TEX36: variants seen among roughly 807,000 people sequenced by gnomAD.
The protein encoded by TEX36 is testis expressed 36, also known as testis-expressed protein 36.
A neutral mutation model predicts 13.6 loss-of-function variants in TEX36; 12 were observed. The ratio of observed to expected loss-of-function variants is 0.88; its 90% CI spans 0.56 to 1.43. TEX36 has a LOEUF of 1.43. TEX36 is among the 40% of genes most tolerant of loss of function. The pLI, the probability that TEX36 is intolerant of heterozygous loss-of-function variation, is 0.00. For synonymous variants in TEX36, 93 were observed against 83.0 expected, an observed-to-expected ratio of 1.12 and a Z score of -0.65; for missense variants, 224 against 228.3, an observed-to-expected ratio of 0.98 and a Z score of 0.12.
At chr10:125,680,993 C>G (rs1464222462) in intron 1 of TEX36, among the ~76,000 whole-genome samples, 1 of 152,214 alleles carries the variant, frequency 6.6e-6, no homozygotes, top group Non-Finnish European at 1.5e-5. Context: ...CTCAGACACC[C>G]TTTTAGCTAA....
At chr10:125,664,656 G>T (rs1003978946) in intron 1 of TEX36, among the ~76,000 whole-genome samples, 1 of 152,118 alleles carries the variant, frequency 6.6e-6, no homozygotes, top group African/African-American at 2.4e-5. Context: ...TGTAAGATAT[G>T]CCTTGCTTCC....
chr10:125,667,150 C>T, intron 1 of TEX36: 1 of 689,418 alleles, frequency 1.5e-6, no homozygotes. Flanking sequence ...GAATGTGATC[C>T]CAGGGACAGC....
downstream of TEX36, among the ~76,000 whole-genome samples, chr10:125,618,815 G>A (rs551736733): frequency 6.6e-6 from 1 of 151,844 alleles, no homozygotes; most frequent in Non-Finnish European, 1.5e-5. Flanking sequence ...GTGTTAAAGA[G>A]ATAAGCCTTG....
intron 3 of TEX36, among the ~76,000 whole-genome samples, chr10:125,635,784 G>A (rs764736151): frequency 6.6e-6 from 1 of 152,044 alleles, no homozygotes; most frequent in African/African-American, 2.4e-5. Flanking sequence ...GGGATGGTGG[G>A]TTCCACCTCC....
intron 3 of TEX36, among the ~76,000 whole-genome samples, chr10:125,596,656 T>C (rs1484715979): frequency 1.3e-5 from 2 of 152,210 alleles, no homozygotes; most frequent in African/African-American, 4.8e-5. Context: ...ACAGCCGCAA[T>C]TGGAAATTAA....
At chr10:125,635,043 C>T (rs1011578007) in intron 3 of TEX36, among the ~76,000 whole-genome samples, 4 of 152,166 alleles carry the variant, frequency 2.6e-5, no homozygotes, top group Non-Finnish European at 4.4e-5. Flanking sequence ...GGGATTAAGG[C>T]CACACCAGAC....
At chr10:125,622,186 A>T (rs1565176609) in intron 3 of TEX36, among the ~76,000 whole-genome samples, 2 of 152,356 alleles carry the variant, frequency 1.3e-5, no homozygotes, top group East Asian at 3.9e-4. Flanking sequence ...ATAAGGTCGT[A>T]ATTATGCCTA....
chr10:125,592,321 G>C (rs1039945066), intron 3 of TEX36, among the ~76,000 whole-genome samples: 1 of 152,134 alleles, frequency 6.6e-6, no homozygotes, highest in Non-Finnish European at 1.5e-5. Flanking sequence ...ACCAGCCACA[G>C]TCTGTCTTTG....
intron 3 of TEX36, among the ~76,000 whole-genome samples, chr10:125,623,722 G>A (rs955504255): frequency 7.2e-5 from 11 of 152,164 alleles, no homozygotes; most frequent in African/African-American, 2.2e-4. Flanking sequence ...CACTTTATTC[G>A]AAGGCATTCT....
intron 3 of TEX36, among the ~76,000 whole-genome samples, chr10:125,601,152 T>C (rs573284802): frequency 6.6e-6 from 1 of 152,360 alleles, no homozygotes; most frequent in South Asian, 2.1e-4. Flanking sequence ...ATCCTAATAT[T>C]TTTGGTTTAA....
downstream of TEX36, among the ~76,000 whole-genome samples, chr10:125,652,821 G>A (rs1274866363): frequency 6.6e-6 from 1 of 152,150 alleles, no homozygotes; most frequent in African/African-American, 2.4e-5. Context: ...TCAAAAAGTA[G>A]GCAAAGGATG....
intron 3 of TEX36, among the ~76,000 whole-genome samples, chr10:125,590,986 G>A (rs995134792): frequency 5.9e-5 from 9 of 152,116 alleles, no homozygotes; most frequent in Admixed American, 1.3e-4. Flanking sequence ...CCCCACATGT[G>A]GCCCAAAGGT....
chr10:125,607,330 G>A (rs945218659), intron 3 of TEX36, among the ~76,000 whole-genome samples: 4 of 152,210 alleles, frequency 2.6e-5, no homozygotes, highest in Non-Finnish European at 5.9e-5. Flanking sequence ...TATTTATGAG[G>A]CTGGTTGGTT....
chr10:125,674,814 C>G lies in TEX36; in HGVS notation c.51+8125G>C, dbSNP rs571648545. Among the ~76,000 whole-genome samples, 6 of 152,372 alleles carry G rather than the reference C, an allele frequency of 3.9e-5. No homozygotes were observed. In the East Asian group the frequency reaches 1.2e-3, roughly 29 times the overall value. ...CAGCCTGCTCCTTCATTTGGGATCT[C>G]TGTCCCAGAGGGACACTGACCTGAT... On this transcript the variant is annotated intron_variant, in intron 1 of 3. Coordinates refer to ENST00000368821, the MANE Select transcript of TEX36 (RefSeq NM_001128202.3).
chr10:125,630,110 T>C (rs748279673), intron 3 of TEX36, among the ~76,000 whole-genome samples: 10 of 152,244 alleles, frequency 6.6e-5, no homozygotes, highest in Non-Finnish European at 1.5e-4. Context: ...ACGCCTCCTC[T>C]GCTAGGCATT....
At chr10:125,636,366 C>T (rs969992868) in intron 3 of TEX36, among the ~76,000 whole-genome samples, 4 of 149,618 alleles carry the variant, frequency 2.7e-5, no homozygotes, top group East Asian at 2.0e-4. Context: ...CTACCACACC[C>T]GGCTAATTTT....
chr10:125,622,885 C>T (rs1323447878), intron 3 of TEX36, among the ~76,000 whole-genome samples: 1 of 152,188 alleles, frequency 6.6e-6, no homozygotes, highest in Non-Finnish European at 1.5e-5. Flanking sequence ...GTGTTAACTT[C>T]CAGTTCAATG....
intron 3 of TEX36, among the ~76,000 whole-genome samples, chr10:125,605,502 T>C (rs1014374870): frequency 2.0e-5 from 3 of 152,158 alleles, no homozygotes; most frequent in South Asian, 2.1e-4. Flanking sequence ...AGCACAGCAA[T>C]GTGGTAAGTG....
chr10:125,606,584 T>A (rs1221301100), intron 3 of TEX36, among the ~76,000 whole-genome samples: 47 of 152,134 alleles, frequency 3.1e-4, no homozygotes, highest in Non-Finnish European at 5.9e-5. Context: ...CTGTAGCTTA[T>A]CAGATCAGGG....
Sources: allele counts gnomAD v4.1 joint callset (sites outside exome capture counted in the v4.1 genomes callset), GRCh38; gene constraint gnomAD v4.1.1; transcripts MANE v1.5; gene names NCBI Gene and HGNC (gene_info 2026-07-23, HGNC 2026-07-21).